DAPK2: variants seen among roughly 807,000 people sequenced by gnomAD.
DAPK2 encodes the protein death-associated protein kinase 2.
In DAPK2, 35 loss-of-function variants were observed where a neutral mutation model predicts 44.1. The observed-to-expected ratio is 0.79, with a 90% CI of 0.61 to 1.05. The LOEUF (loss-of-function observed/expected upper bound fraction) is 1.05, where lower values mean the gene tolerates loss of function less well. DAPK2 is among the 50% of genes least tolerant of loss of function. DAPK2 has a pLI of 0.00. For missense variants in DAPK2, 453 were observed against 483.2 expected (o/e 0.94, Z 0.59); for synonymous variants, 174 against 182.6 (o/e 0.95, Z 0.38).
chr15:63,999,109 G>A (rs955936171), intron 1 of DAPK2, among the ~76,000 whole-genome samples: 4 of 152,200 alleles, frequency 2.6e-5, no homozygotes, highest in Admixed American at 6.5e-5. Flanking sequence ...TGGCACAGAC[G>A]CTGTGCTGGA....
At chr15:64,002,974 C>CTGTATG (rs2079133607) in intron 1 of DAPK2, among the ~76,000 whole-genome samples, 1 of 51,594 alleles carries the variant, frequency 1.9e-5, no homozygotes, top group Non-Finnish European at 4.7e-5. Flanking sequence ...GTCGTGGGAC[C>CTGTATG]TGTGTGTGTG....
At chr15:63,971,659 C>A in intron 2 of DAPK2, 98 bp from the exon 4 acceptor site, 1 of 1,322,528 alleles carries the variant, frequency 7.6e-7, no homozygotes, top group Non-Finnish European at 1.0e-6. Context: ...CCTGACCCCC[C>A]AGGGACCTTG....
intron 3 of DAPK2, among the ~76,000 whole-genome samples, chr15:63,952,082 A>G (rs1398094311): frequency 6.6e-6 from 1 of 152,146 alleles, no homozygotes; most frequent in South Asian, 2.1e-4. Context: ...TCTACTAAAA[A>G]TACAAACATT....
chr15:63,959,502 A>G (rs2077824162), intron 3 of DAPK2, among the ~76,000 whole-genome samples: 2 of 152,178 alleles, frequency 1.3e-5, no homozygotes, highest in Non-Finnish European at 2.9e-5. Flanking sequence ...TGTCATAAAT[A>G]GCTCTTATTA....
chr15:63,940,965 A>G (rs2077291374), intron 3 of DAPK2, among the ~76,000 whole-genome samples: 1 of 152,200 alleles, frequency 6.6e-6, no homozygotes, highest in African/African-American at 2.4e-5. Flanking sequence ...TCTATTTTCT[A>G]TAAACTATGG....
intron 2 of DAPK2, among the ~76,000 whole-genome samples, chr15:63,981,700 C>T (rs1172475762): frequency 4.0e-5 from 6 of 151,024 alleles, no homozygotes; most frequent in Admixed American, 2.0e-4. Flanking sequence ...AGAAGTGGCT[C>T]GGCCTTTCCA....
intron 10 of DAPK2, chr15:63,910,891 C>T (rs1034030578): frequency 3.3e-5 from 5 of 152,214 alleles, no homozygotes; most frequent in African/African-American, 7.2e-5. Flanking sequence ...CAATTGCTAA[C>T]GCTTACTGAG....
chr15:64,024,945 T>C (rs1191330886), intron 1 of DAPK2, among the ~76,000 whole-genome samples: 1 of 152,132 alleles, frequency 6.6e-6, no homozygotes, highest in Non-Finnish European at 1.5e-5. Context: ...GGTTAGAAGC[T>C]GCCAGCAAGG....
In DAPK2 at chr15:63,984,410, G is replaced by A. The variant is rs1005796045; in HGVS notation, c.93-656C>T. On this transcript the variant is annotated intron_variant, in intron 1 of 10. Transcript: ENST00000261891. ...TCCCCTTCAGGCACTAGTACCCAGG[G>A]CTGGGCTCAGAAACCCATTACTCCA... Among the ~76,000 whole-genome samples the A allele has an allele frequency of 2.0e-5, 3 of 152,166 alleles. No individual in the cohort carries two copies. In the South Asian group the frequency reaches 6.2e-4, roughly 32 times the overall value.
chr15:63,976,840 A>G (rs553840345), intron 2 of DAPK2, among the ~76,000 whole-genome samples: 1 of 152,374 alleles, frequency 6.6e-6, no homozygotes, highest in Non-Finnish European at 1.5e-5. Context: ...ATTAAAATCA[A>G]TTCACCTATT....
At chr15:63,995,873 G>A (rs1276672243) in intron 1 of DAPK2, among the ~76,000 whole-genome samples, 1 of 152,208 alleles carries the variant, frequency 6.6e-6, no homozygotes. Flanking sequence ...CATCTCTCCT[G>A]ACCCCAAATT....
intron 1 of DAPK2, among the ~76,000 whole-genome samples, chr15:64,037,120 ACCCATGTGAC>A (rs1034669873): frequency 6.6e-6 from 1 of 151,938 alleles, no homozygotes; most frequent in Non-Finnish European, 1.5e-5. Context: ...CCAAACCCCA[ACCCATGTGAC>A]CCCAAAGGCC....
At chr15:64,014,746 C>G (rs1457417073) in intron 1 of DAPK2, among the ~76,000 whole-genome samples, 2 of 152,062 alleles carry the variant, frequency 1.3e-5, no homozygotes, top group Admixed American at 6.6e-5. Context: ...ATAGTGAAAC[C>G]CCGTCTCTAC....
Position 63,930,396 on chromosome 15 carries a change from A to T in DAPK2, c.632+11T>A. 5.6e-6 allele frequency: 9 copies of T among 1,614,188 alleles called. No homozygotes were observed. The highest frequency in any genetic ancestry group is 7.6e-6 in the Non-Finnish European group (9 of 1,179,978). On this transcript the variant is annotated intron_variant, in intron 5 of 10. Coordinates refer to ENST00000261891, the Ensembl canonical transcript of DAPK2. ...GATCGCTAGGTCACCTGAGTGGCCT[A>T]TCCAACTTACCACATGTCAGCCTCC...
intron 1 of DAPK2, among the ~76,000 whole-genome samples, chr15:64,007,660 C>G (rs193251281): frequency 2.4e-4 from 37 of 152,328 alleles, no homozygotes; most frequent in Middle Eastern, 3.4e-3. Flanking sequence ...CTATAAAATT[C>G]TGCATAAGGG....
At chr15:63,944,821 G>A (rs1006719068) in intron 3 of DAPK2, among the ~76,000 whole-genome samples, 3 of 152,136 alleles carry the variant, frequency 2.0e-5, no homozygotes, top group African/African-American at 7.2e-5. Flanking sequence ...GATATTTGAA[G>A]TAGTCAAGGC....
intron 8 of DAPK2, among the ~76,000 whole-genome samples, chr15:63,915,106 A>G (rs965674272): frequency 2.0e-5 from 3 of 152,232 alleles, no homozygotes; most frequent in African/African-American, 7.2e-5. Context: ...GATTACTTAT[A>G]ATAGCAAATA....
Position 63,990,773 on chromosome 15 carries a change from G to C in DAPK2, c.93-7019C>G, listed in dbSNP as rs1320510682. On this transcript the variant is annotated intron_variant, in intron 1 of 10. Coordinates refer to ENST00000261891, the Ensembl canonical transcript of DAPK2. This position sits in a 1 kb window ranked among gnomAD's most constrained non-coding sequence, Gnocchi z 4.3. Reference sequence around the variant, plus strand: ...GCGAGGTTTCAGGGCCATAGGGCAGGGATAATGCTTAGGAACTTCCAGCCA... The same window carrying C: ...GCGAGGTTTCAGGGCCATAGGGCAGCGATAATGCTTAGGAACTTCCAGCCA... Among the ~76,000 whole-genome samples, 1 of 152,206 alleles carries C rather than the reference G, an allele frequency of 6.6e-6. No homozygotes were observed. The highest frequency in any genetic ancestry group is 2.4e-5 in the African/African-American group (1 of 41,446).
chr15:63,994,410 AAAGGAAGGAAGGAAGG>A (rs56254515), intron 1 of DAPK2, among the ~76,000 whole-genome samples: 3,848 of 141,802 alleles, frequency 0.027, 156 homozygotes, highest in African/African-American at 0.085. Flanking sequence ...TGTTAAAAGA[AAAGGAAGGAAGGAAGG>A]AAGGAAGGAA....
Sources: allele counts gnomAD v4.1 joint callset (sites outside exome capture counted in the v4.1 genomes callset), GRCh38; gene constraint gnomAD v4.1.1; non-coding constraint Gnocchi (gnomAD v3.1); transcripts MANE v1.5; gene names NCBI Gene and HGNC (gene_info 2026-07-23, HGNC 2026-07-21).